FAF2: variants seen among roughly 807,000 people sequenced by gnomAD.
The protein encoded by FAF2 is Fas associated factor family member 2.
A neutral mutation model predicts 62.3 loss-of-function variants in FAF2; 9 were observed. That is an observed-to-expected ratio of 0.14 (90% CI 0.09 to 0.25). FAF2 has a LOEUF of 0.25. FAF2 is among the 10% of genes least tolerant of loss of function. The probability of loss-of-function intolerance (pLI) is 1.00; values close to 1 mark genes in which losing one functional copy is unlikely to be tolerated. For missense variants in FAF2, 368 were observed against 556.2 expected (o/e 0.66, Z 3.40); for synonymous variants, 202 against 198.0 (o/e 1.02, Z -0.17).
intron 4 of FAF2, 117 bp from the exon 5 acceptor site, chr5:176,492,077 T>C (rs1221882462): frequency 8.6e-7 from 1 of 1,167,896 alleles, no homozygotes; most frequent in Non-Finnish European, 1.3e-6. Context: ...TCACAGACTG[T>C]TCACCTCCCT....
At chr5:176,477,648 A>G (rs1758727096) in intron 1 of FAF2, among the ~76,000 whole-genome samples, 1 of 152,226 alleles carries the variant, frequency 6.6e-6, no homozygotes. Flanking sequence ...TTTTTGTACT[A>G]CATGTGTAAT....
intron 1 of FAF2, among the ~76,000 whole-genome samples, chr5:176,471,918 G>A (rs941210470): frequency 1.3e-5 from 2 of 151,780 alleles, no homozygotes; most frequent in East Asian, 3.9e-4. Flanking sequence ...CTAACCTCGT[G>A]ATTCGCCCCC....
At chr5:176,467,972 C>G (rs1025251573) in intron 1 of FAF2, among the ~76,000 whole-genome samples, 3 of 151,916 alleles carry the variant, frequency 2.0e-5, no homozygotes, top group African/African-American at 7.3e-5. Context: ...CAAGACTAGC[C>G]TGGCCAACAT....
intron 1 of FAF2, among the ~76,000 whole-genome samples, chr5:176,477,841 G>T (rs961336770): frequency 1.3e-5 from 2 of 152,180 alleles, no homozygotes; most frequent in African/African-American, 4.8e-5. Flanking sequence ...AATTAGGCAA[G>T]AACTTCAGTT....
Position 176,486,488 on chromosome 5 carries a change from G to A in FAF2, c.266G>A (p.Arg89Lys), listed in dbSNP as rs1758877995. Residue 89 changes from arginine (R) to lysine (K), a missense_variant and splice_region_variant, in exon 3 of 11, where the codon AGG becomes AAG. Arg to Lys is a conservative substitution (Grantham distance 26). Coordinates refer to ENST00000261942, the MANE Select transcript of FAF2 (RefSeq NM_014613.3). ...YSYVVSRPQP[R>K]GLLGWGYYLI... ...TATGTTGTCTCAAGACCTCAACCAAGGGCAAGTTATTTCATAGCTGGGATT... is the reference window on the plus strand; with the variant it reads ...TATGTTGTCTCAAGACCTCAACCAAAGGCAAGTTATTTCATAGCTGGGATT... The A allele has an allele frequency of 6.2e-7, 1 of 1,613,598 alleles. No homozygotes were observed. The highest frequency in any genetic ancestry group is 1.3e-5 in the African/African-American group (1 of 75,026).
At chr5:176,477,677 G>A (rs1007729438) in intron 1 of FAF2, among the ~76,000 whole-genome samples, 2 of 152,126 alleles carry the variant, frequency 1.3e-5, no homozygotes, top group Non-Finnish European at 2.9e-5. Flanking sequence ...ATGAAAACTT[G>A]TATACCTAAA....
rs1410896356 is a variant in FAF2 at position 176,487,486 on chromosome 5, T to G, written c.267+997T>G. Among the ~76,000 whole-genome samples, 3 of 152,122 alleles carry G rather than the reference T, an allele frequency of 2.0e-5. No individual in the cohort carries two copies. The East Asian group carries it at 5.8e-4, about 29-fold the overall frequency. ...GCTTGAGGCACTGTGCCTGGCCTAC[T>G]TGATGTTTTAAAACATGTTTCTAAG... On this transcript the variant is annotated intron_variant, in intron 3 of 10. Transcript: ENST00000261942.
At chr5:176,472,367 G>A (rs1016593039) in intron 1 of FAF2, among the ~76,000 whole-genome samples, 4 of 150,864 alleles carry the variant, frequency 2.7e-5, no homozygotes, top group East Asian at 4.0e-4. Context: ...GTCTGGTCTC[G>A]AACTCCTGAC....
At chr5:176,492,133 G>C in intron 4 of FAF2, 61 bp from the exon 5 acceptor site, 1 of 1,599,120 alleles carries the variant, frequency 6.3e-7, no homozygotes, top group Non-Finnish European at 8.6e-7. Context: ...GTACAAATTG[G>C]CCCACTCGAT....
chr5:176,497,638 A>G (rs1205553256), intron 8 of FAF2, among the ~76,000 whole-genome samples: 1 of 152,198 alleles, frequency 6.6e-6, no homozygotes, highest in Non-Finnish European at 1.5e-5. Context: ...TACTATTATA[A>G]TTAGCATATA....
chr5:176,492,698 A>C (rs1448079270), intron 5 of FAF2, among the ~76,000 whole-genome samples: 2 of 152,146 alleles, frequency 1.3e-5, no homozygotes, highest in Non-Finnish European at 2.9e-5. Context: ...CTTCAACTAG[A>C]TTATGTCACG....
At chr5:176,482,712 C>T (rs918936162) in intron 2 of FAF2, among the ~76,000 whole-genome samples, 1 of 152,138 alleles carries the variant, frequency 6.6e-6, no homozygotes, top group African/African-American at 2.4e-5. Context: ...GATGGGGTCT[C>T]GCTGTATTGA....
chr5:176,471,461 C>T (rs1438113295), intron 1 of FAF2, among the ~76,000 whole-genome samples: 1 of 147,662 alleles, frequency 6.8e-6, no homozygotes, highest in Non-Finnish European at 1.5e-5. Flanking sequence ...CAGCTCACTG[C>T]AAACTCTGCC....
intron 1 of FAF2, among the ~76,000 whole-genome samples, chr5:176,469,586 G>A (rs1435731562): frequency 6.6e-6 from 1 of 152,146 alleles, no homozygotes; most frequent in Non-Finnish European, 1.5e-5. Flanking sequence ...AGTGTAAATT[G>A]GAATAGTCCT....
chr5:176,498,483 T>C (rs192536022), intron 8 of FAF2, among the ~76,000 whole-genome samples: 40 of 152,352 alleles, frequency 2.6e-4, no homozygotes, highest in Admixed American at 6.5e-4. Flanking sequence ...TGAATGACTC[T>C]GAAAACTCTA....
At chr5:176,448,522 C>T (rs779594885) in intron 1 of FAF2, 52 bp downstream of exon 1, 5 of 1,525,202 alleles carry the variant, frequency 3.3e-6, no homozygotes, top group African/African-American at 1.4e-5. Context: ...GGGGAGTAGG[C>T]CCCTAGAGGA....
intron 1 of FAF2, among the ~76,000 whole-genome samples, chr5:176,451,030 A>C (rs928639592): frequency 3.3e-5 from 5 of 152,224 alleles, no homozygotes; most frequent in African/African-American, 1.2e-4. Flanking sequence ...TTAGATGCCA[A>C]GCATTATACC....
At chr5:176,498,791 T>G in intron 8 of FAF2, 123 bp from the exon 9 acceptor site, 1 of 903,634 alleles carries the variant, frequency 1.1e-6, no homozygotes, top group South Asian at 4.4e-5. Flanking sequence ...CAGTGTGAAA[T>G]CGTCATCTGC....
intron 1 of FAF2, among the ~76,000 whole-genome samples, chr5:176,459,084 T>C: frequency 6.6e-6 from 1 of 152,188 alleles, no homozygotes; most frequent in East Asian, 1.9e-4. Context: ...TGCTGCATGA[T>C]AGATGCTCAA....
Sources: allele counts gnomAD v4.1 joint callset (sites outside exome capture counted in the v4.1 genomes callset), GRCh38; gene constraint gnomAD v4.1.1; transcripts MANE v1.5; gene names NCBI Gene and HGNC (gene_info 2026-07-23, HGNC 2026-07-21).